The following POMGNT1 variants were observed in gnomAD, a reference collection of about 807,000 sequenced individuals.
POMGNT1 encodes the protein protein O-linked mannose N-acetylglucosaminyltransferase 1 (beta 1,2-).
Under a neutral mutation model 95.6 loss-of-function variants are expected in POMGNT1, and 67 were observed. The ratio of observed to expected loss-of-function variants is 0.70; its 90% CI spans 0.58 to 0.86. The LOEUF is 0.86. Among genes scored for constraint, POMGNT1 ranks in the 40% least tolerant of loss-of-function variants. The pLI, the probability that POMGNT1 is intolerant of heterozygous loss-of-function variation, is 0.00. For synonymous variants in POMGNT1, 298 were observed against 317.9 expected (o/e 0.94, Z 0.66); for missense variants, 719 against 855.2 (o/e 0.84, Z 1.99).
rs144959783 is a variant in POMGNT1 at position 46,196,817 on chromosome 1, G to A, written c.268C>T (p.Arg90Cys). Residue 90 changes from arginine to cysteine, a missense_variant, in exon 4 of 22, where the codon CGC becomes TGC. Physicochemically the swap from Arg to Cys is radical, Grantham distance 180. Transcript: ENST00000371984. This position sits in a 1 kb window ranked among gnomAD's most constrained non-coding sequence, Gnocchi z 4.4. ...EALGRLEPPRRRGSGPRRVLD... is the reference protein window; with the variant it reads ...EALGRLEPPRCRGSGPRRVLD... ...ACCCGCCGGGGACCACTGCCTCTGC[G>A]CCGTGGGGGCTCCAGGCGGCCTAGG... is the stretch of plus-strand genomic sequence containing the variant. 55 of 1,614,072 alleles carry A rather than the reference G, an allele frequency of 3.4e-5. No homozygotes were observed. Among genetic ancestry groups the A allele is most frequent in the Admixed American group, 1.3e-4 (8 of 60,014 alleles).
intron 6 of POMGNT1, among the ~76,000 whole-genome samples, chr1:46,195,254 C>T (rs2148207882): frequency 6.6e-6 from 1 of 152,320 alleles, no homozygotes; most frequent in Non-Finnish European, 1.5e-5. Flanking sequence ...TATTCTGCTC[C>T]ACCTCGACTA....
intron 16 of POMGNT1, 22 bp downstream of exon 16, chr1:46,192,286 C>G (rs149964748): frequency 3.0e-5 from 48 of 1,614,172 alleles, no homozygotes; most frequent in Non-Finnish European, 3.7e-5. Context: ...CTCCAGCCCC[C>G]TCACCCTACC....
intron 2 of POMGNT1, chr1:46,197,415 C>A: frequency 1.3e-6 from 2 of 1,491,698 alleles, no homozygotes; most frequent in Non-Finnish European, 8.9e-7. Context: ...GGGATCAGAC[C>A]TGGGTCCTGG....
chr1:46,190,033 T>C (rs747241599), intron 19 of POMGNT1, 44 bp from the exon 20 acceptor site: 2 of 1,610,718 alleles, frequency 1.2e-6, no homozygotes, highest in East Asian at 4.5e-5. Flanking sequence ...AGGGCCCACT[T>C]CATGGGTGTG....
Position 46,210,537 on chromosome 1 carries a change from A to G in POMGNT1, c.-51+9168T>C, listed in dbSNP as rs781562550. Among the ~76,000 whole-genome samples, 25 of 152,112 alleles carry G rather than the reference A, an allele frequency of 1.6e-4. 1 individual carries two copies. Among genetic ancestry groups the G allele is most frequent in the Admixed American group, 1.2e-3 (19 of 15,268 alleles). On this transcript the variant is annotated intron_variant, in intron 1 of 22. Transcript: ENST00000371992. ...GGGCCTCCTGACCTTCTGACCAACC[A>G]GCTTCAAATTGGGGTTCCTATGACC...
intron 1 of POMGNT1, among the ~76,000 whole-genome samples, chr1:46,214,682 A>T (rs1207271026): frequency 6.6e-6 from 1 of 152,034 alleles, no homozygotes; most frequent in Non-Finnish European, 1.5e-5. Context: ...CCTGACCAAC[A>T]TGGTGAAACC....
In POMGNT1 at chr1:46,196,716, C is replaced by G; in HGVS notation, c.354+15G>C. ...CAGAATAGAGTGACTGTACACCAGA[C>G]CCTGGCCCACTGACCGTGGTGCCAT... On this transcript the variant is annotated intron_variant, in intron 4 of 21. Coordinates refer to ENST00000371984, the MANE Select transcript of POMGNT1 (RefSeq NM_017739.4). The surrounding 1 kb of genome is among the most constrained non-coding windows in gnomAD (Gnocchi z 4.4). The G allele has an allele frequency of 8.7e-6, 14 of 1,614,074 alleles. No individual in the cohort carries two copies. The highest frequency in any genetic ancestry group is 1.2e-5 in the Non-Finnish European group (14 of 1,180,040).
At position 46,196,764 on chromosome 1, in the gene POMGNT1, G is replaced by A. The variant is rs763952555; in HGVS notation, c.321C>T (p.Arg107=). The A allele has an allele frequency of 8.1e-6, 13 of 1,614,098 alleles. No individual in the cohort carries two copies. Among genetic ancestry groups the A allele is most frequent in the Admixed American group, 1.7e-5 (1 of 60,012 alleles). The part of the protein sequence containing the change: ...RVLDVEVYSS[R]SKVYVAVDGT... ...CATCCACTGCCACATATACTTTGCT[G>A]CGACTTGAATACACCTCTACGTCCA... The change falls in exon 4 of 22, where the codon CGC becomes CGT. Residue 107 remains arginine (R), a synonymous_variant. Coordinates refer to ENST00000371984, the MANE Select transcript of POMGNT1 (RefSeq NM_017739.4). This position sits in a 1 kb window ranked among gnomAD's most constrained non-coding sequence, Gnocchi z 4.4.
At chr1:46,218,901 C>T (rs2148254905) in intron 1 of POMGNT1, among the ~76,000 whole-genome samples, 1 of 152,202 alleles carries the variant, frequency 6.6e-6, no homozygotes, top group Admixed American at 6.5e-5. Flanking sequence ...CTTTATTCCC[C>T]AGCTCCTGCC....
chr1:46,219,475 C>T (rs911790138), intron 1 of POMGNT1, among the ~76,000 whole-genome samples: 2 of 152,158 alleles, frequency 1.3e-5, no homozygotes, highest in Non-Finnish European at 2.9e-5. Flanking sequence ...TCCTGTTTTA[C>T]AAACAAAGAG....
chr1:46,197,418 G>A, intron 2 of POMGNT1: 2 of 1,491,948 alleles, frequency 1.3e-6, no homozygotes, highest in South Asian at 1.2e-5. Context: ...ATCAGACCTG[G>A]GTCCTGGCCC....
chr1:46,207,078 CCTT>C (rs1658740294), intron 1 of POMGNT1, among the ~76,000 whole-genome samples: 1 of 151,512 alleles, frequency 6.6e-6, no homozygotes, highest in African/African-American at 2.4e-5. Context: ...CTGGCTGAGT[CCTT>C]CTATTTTTTT....
At chr1:46,202,909 G>T (rs112546264), upstream of POMGNT1, among the ~76,000 whole-genome samples, 4 of 105,158 alleles carry the variant, frequency 3.8e-5, no homozygotes, top group East Asian at 2.4e-4. Context: ...TAGCCCCTGG[G>T]GGGGGGGGGT....
chr1:46,197,285 C>T (rs1241521690), intron 2 of POMGNT1: 2 of 1,509,176 alleles, frequency 1.3e-6, no homozygotes, highest in Admixed American at 2.0e-5. Flanking sequence ...TGACACTTCC[C>T]CCTCCATTAG....
intron 1 of POMGNT1, among the ~76,000 whole-genome samples, chr1:46,219,006 G>T (rs1221777718): frequency 2.6e-5 from 4 of 152,220 alleles, no homozygotes; most frequent in South Asian, 2.1e-4. Flanking sequence ...TCAATAGTCA[G>T]TACCCTGTGG....
chr1:46,194,981 A>T lies in POMGNT1; in HGVS notation c.535-20T>A, dbSNP rs1658113867. ...CTCATCCTGGGGGACCAGAGAAGGC[A>T]GTTAGCCTGACTGGCATGGTTCCAG... On this transcript the variant is annotated intron_variant, in intron 6 of 21. Coordinates refer to ENST00000371984, the MANE Select transcript of POMGNT1 (RefSeq NM_017739.4). 6.2e-7 allele frequency: 1 copy of T among 1,611,536 alleles called. No homozygotes were observed. The highest frequency in any genetic ancestry group is 1.7e-5 in the Admixed American group (1 of 60,024).
At chr1:46,202,909 G>GGT (rs1553164814), upstream of POMGNT1, among the ~76,000 whole-genome samples, 3 of 105,202 alleles carry the variant, frequency 2.9e-5, 1 homozygote, top group South Asian at 7.0e-4. Context: ...TAGCCCCTGG[G>GGT]GGGGGGGGGT....
In POMGNT1 at chr1:46,191,827, G is replaced by T. The variant is rs1274477535; in HGVS notation, c.1539+271C>A. 1.5e-5 allele frequency: 6 copies of T among 394,386 alleles called. No individual in the cohort carries two copies. In the Admixed American group the frequency reaches 1.8e-4, roughly 12 times the overall value. The allele number at this position is 394,386 out of a possible 1,614,324, so 24.4% of individuals were successfully genotyped here. On this transcript the variant is annotated intron_variant, in intron 17 of 21. Transcript: ENST00000371984. Reference sequence around the variant, plus strand: ...TTTTTTGTATTTTTAGTAGAGATGGGGTTTCACCATGTTAGCCAGGATGGT... The same window carrying T: ...TTTTTTGTATTTTTAGTAGAGATGGTGTTTCACCATGTTAGCCAGGATGGT...
chr1:46,193,916 T>C lies in POMGNT1; in HGVS notation c.889A>G (p.Asn297Asp), dbSNP rs752393375. 12 of 1,614,048 alleles carry C rather than the reference T, an allele frequency of 7.4e-6. No individual in the cohort carries two copies. In the African/African-American group the frequency reaches 9.3e-5, roughly 13 times the overall value. Residue 297 changes from asparagine to aspartate, a missense_variant, in exon 10 of 22, where the codon AAC becomes GAC. Asn to Asp is a conservative substitution (Grantham distance 23, BLOSUM62 1). This residue lies in a region of POMGNT1 where 466 missense variants were observed against 517.4 expected (regional missense o/e 0.90). Coordinates refer to ENST00000371984, the MANE Select transcript of POMGNT1 (RefSeq NM_017739.4). ...GCCACAGGCACATTGAGGACCTTGT[T>C]GTCTGGGAGCTGTGGGAGAAATAGC... ...IEFSPDPLPD[N>D]KVLNVPVAVI... is the part of the protein sequence containing the mutation.
Sources: allele counts gnomAD v4.1 joint callset (sites outside exome capture counted in the v4.1 genomes callset), GRCh38; gene constraint gnomAD v4.1.1; regional missense constraint gnomAD v4.1.1; non-coding constraint Gnocchi (gnomAD v3.1); transcripts MANE v1.5; gene names NCBI Gene and HGNC (gene_info 2026-07-23, HGNC 2026-07-21).